ZNF560: variants seen among roughly 807,000 people sequenced by gnomAD.
The protein encoded by ZNF560 is zinc finger protein 560.
ZNF560 carries 54 observed loss-of-function variants against 81.8 expected under a neutral mutation model. That is an observed-to-expected ratio of 0.66 (90% confidence interval 0.53 to 0.83). The LOEUF (loss-of-function observed/expected upper bound fraction) is 0.83. Among genes scored for constraint, ZNF560 ranks in the 40% least tolerant of loss-of-function variants. The pLI, the probability that ZNF560 is intolerant of heterozygous loss-of-function variation, is 0.00. For missense variants in ZNF560, 940 were observed against 932.4 expected, an observed-to-expected ratio of 1.01 and a Z score of -0.11; for synonymous variants, 321 against 317.9, an observed-to-expected ratio of 1.01 and a Z score of -0.10.
At chr19:9,483,728 G>C (rs2073339729) in intron 2 of ZNF560, among the ~76,000 whole-genome samples, 1 of 150,434 alleles carries the variant, frequency 6.6e-6, no homozygotes, top group Admixed American at 6.6e-5. Context: ...GGGCGCCTCT[G>C]CCCGGCTGCC....
chr19:9,475,308 A>C lies in ZNF560; in HGVS notation c.6T>G (p.Ala2=). M[A]YCLTNCYQYS... ...CCTGATAACAATTTGTCAGGCAGTA[A>C]GCCATCTTCCTTTCTGCCTCTGTCT... Residue 2 remains alanine, a synonymous_variant, in exon 3 of 10, where the codon GCT becomes GCG. Coordinates refer to ENST00000301480, the MANE Select transcript of ZNF560 (RefSeq NM_152476.3). The C allele has an allele frequency of 6.2e-7, 1 of 1,613,896 alleles. No homozygotes were observed. Among genetic ancestry groups the C allele is most frequent in the Non-Finnish European group, 8.5e-7 (1 of 1,179,966 alleles).
At chr19:9,471,687 A>G (rs2073124945) in intron 5 of ZNF560, among the ~76,000 whole-genome samples, 1 of 152,254 alleles carries the variant, frequency 6.6e-6, no homozygotes, top group African/African-American at 2.4e-5. Context: ...CTTGAAAAAC[A>G]AAATATATAG....
the ZNF560 span, among the ~76,000 whole-genome samples, chr19:9,448,395 C>T: frequency 4.5e-5 from 4 of 89,802 alleles, no homozygotes; most frequent in Non-Finnish European, 7.9e-5. Context: ...CCATGCCTGG[C>T]TTTTTTTTTT....
At chr19:9,446,379 C>CAT in the ZNF560 span, among the ~76,000 whole-genome samples, 1 of 35,330 alleles carries the variant, frequency 2.8e-5, no homozygotes, top group Non-Finnish European at 7.2e-5. Context: ...CACACACACA[C>CAT]ACACACACAC....
chr19:9,475,055 G>T (rs2073179667), intron 3 of ZNF560, among the ~76,000 whole-genome samples: 1 of 151,858 alleles, frequency 6.6e-6, no homozygotes, highest in Non-Finnish European at 1.5e-5. Flanking sequence ...TATATATCTG[G>T]CACCATAAGG....
At chr19:9,463,739 A>G (rs900760530), downstream of ZNF560, among the ~76,000 whole-genome samples, 3 of 152,140 alleles carry the variant, frequency 2.0e-5, no homozygotes, top group East Asian at 1.9e-4. Context: ...TTGGAGTCCA[A>G]TGGCACGATC....
At chr19:9,464,382 A>C (rs1452932553), downstream of ZNF560, among the ~76,000 whole-genome samples, 2 of 152,064 alleles carry the variant, frequency 1.3e-5, no homozygotes, top group Non-Finnish European at 2.9e-5. Context: ...GGTTCCCACC[A>C]CCTCTCTGCA....
chr19:9,456,720 T>C, the ZNF560 span, among the ~76,000 whole-genome samples: 2 of 152,340 alleles, frequency 1.3e-5, no homozygotes, highest in African/African-American at 4.8e-5. Context: ...GTAGTTATAC[T>C]TTGCATTGTA....
chr19:9,475,432 GA>G, intron 2 of ZNF560, 63 bp from the exon 3 acceptor site: 4 of 921,192 alleles, frequency 4.3e-6, no homozygotes, highest in Non-Finnish European at 6.7e-6. Flanking sequence ...CGCATGCATG[GA>G]AGTTATTCCA....
At chr19:9,470,338 A>G in intron 7 of ZNF560, 54 bp downstream of exon 7, 1 of 1,557,718 alleles carries the variant, frequency 6.4e-7, no homozygotes, top group Non-Finnish European at 8.7e-7. Context: ...TACAGTAAGT[A>G]CATAATTTGT....
the ZNF560 span, among the ~76,000 whole-genome samples, chr19:9,454,627 A>G: frequency 6.6e-6 from 1 of 152,220 alleles, no homozygotes; most frequent in East Asian, 1.9e-4. Flanking sequence ...AGTTAGCACT[A>G]GCTGACTTAT....
intron 2 of ZNF560, among the ~76,000 whole-genome samples, chr19:9,486,390 T>C (rs1389867215): frequency 6.6e-6 from 1 of 152,184 alleles, no homozygotes; most frequent in Non-Finnish European, 1.5e-5. Flanking sequence ...AGTAAAAAAG[T>C]TCCTCTTCAA....
chr19:9,456,820 A>G, the ZNF560 span, among the ~76,000 whole-genome samples: 2 of 152,232 alleles, frequency 1.3e-5, 1 homozygote, highest in Admixed American at 1.3e-4. Flanking sequence ...TACATTTATT[A>G]CAACAATGGG....
At chr19:9,487,008 C>T (rs2073395616) in intron 2 of ZNF560, among the ~76,000 whole-genome samples, 1 of 152,120 alleles carries the variant, frequency 6.6e-6, no homozygotes, top group Admixed American at 6.6e-5. Context: ...TCGTAAGCAA[C>T]TTCCTCTTTT....
intron 5 of ZNF560, among the ~76,000 whole-genome samples, chr19:9,472,281 T>C (rs1012036834): frequency 8.5e-5 from 13 of 152,058 alleles, no homozygotes; most frequent in Non-Finnish European, 1.9e-4. Flanking sequence ...CTCGGAGTAA[T>C]AAGTGAGTTC....
chr19:9,483,464 T>C (rs188448250), intron 2 of ZNF560, among the ~76,000 whole-genome samples: 14,635 of 131,630 alleles, frequency 0.11, 1,995 homozygotes, highest in African/African-American at 0.26. Context: ...CGTCTCCGCC[T>C]GGCAGCTGCC....
In ZNF560 at chr19:9,471,765, A is replaced by G. The variant is rs539766780; in HGVS notation, c.239-387T>C. ...GAGTATCAAAAATTGAATATTTTCTAACTTCTGAGATAAATGGCCTTAACC... is the reference window on the plus strand; with the variant it reads ...GAGTATCAAAAATTGAATATTTTCTGACTTCTGAGATAAATGGCCTTAACC... On this transcript the variant is annotated intron_variant, in intron 5 of 9. Coordinates refer to ENST00000301480, the MANE Select transcript of ZNF560 (RefSeq NM_152476.3). Among the ~76,000 whole-genome samples the G allele has an allele frequency of 2.6e-5, 4 of 152,350 alleles. No individual in the cohort carries two copies. The South Asian group carries it at 8.3e-4, about 32-fold the overall frequency.
Position 9,467,198 on chromosome 19 carries a change from C to A in ZNF560, c.1749G>T (p.Glu583Asp), listed in dbSNP as rs374445734. The change falls in exon 10 of 10, where the codon GAG (glutamate) becomes GAT (aspartate). Residue 583 changes from glutamate (E) to aspartate (D), a missense_variant. Transcript: ENST00000301480. ...GTAAATGTTTAGTAAGGTATGAGCGCTCAGTGAAGGCTTTCCCACATTTCA... is the reference window on the plus strand; with the variant it reads ...GTAAATGTTTAGTAAGGTATGAGCGATCAGTGAAGGCTTTCCCACATTTCA... ...ECMKCGKAFT[E>D]RSYLTKHLRR... 6.2e-7 allele frequency: 1 copy of A among 1,613,444 alleles called. No individual in the cohort carries two copies. The highest frequency in any genetic ancestry group is 8.5e-7 in the Non-Finnish European group (1 of 1,179,838).
intron 2 of ZNF560, among the ~76,000 whole-genome samples, chr19:9,477,043 A>T (rs181232660): frequency 6.6e-6 from 1 of 152,292 alleles, no homozygotes; most frequent in Non-Finnish European, 1.5e-5. Flanking sequence ...GTTACTTATC[A>T]GTCATCAAAT....
Sources: gnomAD v4.1 joint callset for allele counts (sites outside exome capture counted in the v4.1 genomes callset) on GRCh38, gnomAD v4.1.1 for gene constraint, MANE v1.5 for transcripts, NCBI Gene and HGNC (gene_info 2026-07-23, HGNC 2026-07-21) for gene names.